Variants in HSPBAP1 observed in about 807,000 individuals in gnomAD.
HSPBAP1 encodes the protein HSPB1 associated protein 1, also known as HSPB1-associated protein 1.
A neutral mutation model predicts 45.2 loss-of-function variants in HSPBAP1; 27 were observed. That is an observed-to-expected ratio of 0.60 (90% CI 0.44 to 0.82). HSPBAP1 has a LOEUF of 0.82. HSPBAP1 is among the 40% of genes least tolerant of loss of function. The pLI, the probability that HSPBAP1 is intolerant of heterozygous loss-of-function variation, is 0.00. For synonymous variants in HSPBAP1, 204 were observed against 202.7 expected, an observed-to-expected ratio of 1.01 and a Z score of -0.06; for missense variants, 510 against 590.9, an observed-to-expected ratio of 0.86 and a Z score of 1.42.
intron 1 of HSPBAP1, among the ~76,000 whole-genome samples, chr3:122,779,527 A>ATTTT (rs1560158984): frequency 1.6e-5 from 1 of 61,156 alleles, no homozygotes; most frequent in Non-Finnish European, 4.6e-5. Context: ...TTTATTTTTT[A>ATTTT]TTGATCATTC....
At chr3:122,741,659 C>A (rs930748365) in intron 6 of HSPBAP1, 1 of 153,148 alleles carries the variant, frequency 6.5e-6, no homozygotes, top group Non-Finnish European at 1.5e-5. Context: ...AAACTAGATG[C>A]CTGTAACATA....
At chr3:122,753,991 G>T in intron 5 of HSPBAP1, 2 of 714,450 alleles carry the variant, frequency 2.8e-6, no homozygotes, top group Non-Finnish European at 3.4e-6. Context: ...ACAAGTGTTG[G>T]GAAAGATAAA....
intron 1 of HSPBAP1, among the ~76,000 whole-genome samples, chr3:122,792,851 C>T (rs577220482): frequency 2.0e-5 from 3 of 147,186 alleles, no homozygotes; most frequent in African/African-American, 7.5e-5. Context: ...AGCCTGGTGA[C>T]AGAGCGAGAC....
At chr3:122,786,706 A>T (rs956497558) in intron 1 of HSPBAP1, among the ~76,000 whole-genome samples, 1 of 152,210 alleles carries the variant, frequency 6.6e-6, no homozygotes, top group African/African-American at 2.4e-5. Flanking sequence ...GTATATATTA[A>T]ATGCCAAAAC....
At chr3:122,746,777 C>G (rs907656919) in intron 6 of HSPBAP1, among the ~76,000 whole-genome samples, 1 of 152,040 alleles carries the variant, frequency 6.6e-6, no homozygotes, top group Non-Finnish European at 1.5e-5. Flanking sequence ...CTCGGCCTGC[C>G]GAGTGCCTGC....
intron 1 of HSPBAP1, among the ~76,000 whole-genome samples, chr3:122,783,744 T>G (rs1209183450): frequency 6.6e-6 from 1 of 151,840 alleles, no homozygotes; most frequent in South Asian, 2.1e-4. Flanking sequence ...TTTAACAAGG[T>G]TTGTTTGTAC....
intron 6 of HSPBAP1, among the ~76,000 whole-genome samples, chr3:122,745,853 T>C (rs1440170901): frequency 6.6e-6 from 1 of 152,186 alleles, no homozygotes; most frequent in Non-Finnish European, 1.5e-5. Flanking sequence ...ATCTTCTATC[T>C]ACAAAACTGT....
chr3:122,781,875 T>G (rs1244852323), intron 1 of HSPBAP1, among the ~76,000 whole-genome samples: 1 of 152,210 alleles, frequency 6.6e-6, no homozygotes, highest in African/African-American at 2.4e-5. Context: ...TCACCATTAG[T>G]GGGCACCTAG....
rs150942314 is a variant in HSPBAP1 at position 122,777,020 on chromosome 3, T to C, written c.250+701A>G. Among the ~76,000 whole-genome samples, 24 of 152,330 alleles carry C rather than the reference T, an allele frequency of 1.6e-4. No homozygotes were observed. The East Asian group carries it at 4.4e-3, about 28-fold the overall frequency. The stretch of plus-strand genomic sequence containing the variant: ...AAGTTAAACATCAGAAAAATGATTA[T>C]AGACTCTCTTAGATTAGAAACTGTA... On this transcript the variant is annotated intron_variant, in intron 2 of 7. Coordinates refer to ENST00000306103, the MANE Select transcript of HSPBAP1 (RefSeq NM_024610.6).
In HSPBAP1 at chr3:122,740,709, C is replaced by A. The variant is rs1212237628; in HGVS notation, c.1103G>T (p.Gly368Val). 1.9e-6 allele frequency: 3 copies of A among 1,613,890 alleles called. No individual in the cohort carries two copies. The highest frequency in any genetic ancestry group is 2.5e-6 in the Non-Finnish European group (3 of 1,180,034). The change falls in exon 8 of 8, where the codon GGC becomes GTC. Residue 368 changes from glycine (G) to valine (V), a missense_variant. Gly to Val is a moderately radical substitution (Grantham distance 109). Transcript: ENST00000306103. The part of the protein sequence containing the change: ...ELNVCNHMEV[G>V]QTGSQNLTTG... ...GGTCAAGTTCTGGCTACCTGTTTGG[C>A]CCACCTCCATGTGGTTGCACACATT...
At chr3:122,785,665 G>C (rs1935629121) in intron 1 of HSPBAP1, among the ~76,000 whole-genome samples, 1 of 152,140 alleles carries the variant, frequency 6.6e-6, no homozygotes, top group East Asian at 1.9e-4. Context: ...CATCTATGGT[G>C]ATGGTCCTGA....
chr3:122,755,505 C>T, intron 4 of HSPBAP1, 74 bp from the exon 5 acceptor site: 1 of 1,115,282 alleles, frequency 9.0e-7, no homozygotes, highest in South Asian at 2.0e-5. Flanking sequence ...AAGACAAAAG[C>T]TAAGTGTTCA....
At chr3:122,773,930 T>C (rs1324084183) in intron 2 of HSPBAP1, among the ~76,000 whole-genome samples, 1 of 152,238 alleles carries the variant, frequency 6.6e-6, no homozygotes, top group Non-Finnish European at 1.5e-5. Context: ...TGAGCTACCA[T>C]GGCCAGCCTG....
At chr3:122,780,765 G>C (rs1198719829) in intron 1 of HSPBAP1, among the ~76,000 whole-genome samples, 1 of 151,560 alleles carries the variant, frequency 6.6e-6, no homozygotes, top group Non-Finnish European at 1.5e-5. Context: ...AGACGGGGCG[G>C]CTGCCGGGCG....
Position 122,793,612 on chromosome 3 carries a change from C to T in HSPBAP1, c.64+5G>A. 2 of 1,613,698 alleles carry T rather than the reference C, an allele frequency of 1.2e-6. No individual in the cohort carries two copies. The highest frequency in any genetic ancestry group is 1.7e-6 in the Non-Finnish European group (2 of 1,179,890). ...CTCAGGGTCGGACCTCAGCCTGGCACCTACCTTCCTCCCCTCCAGCCCCAG... is the reference window on the plus strand; with the variant it reads ...CTCAGGGTCGGACCTCAGCCTGGCATCTACCTTCCTCCCCTCCAGCCCCAG... On this transcript the variant is annotated splice_donor_5th_base_variant and intron_variant, in intron 1 of 7. Transcript: ENST00000306103.
rs1275219308 is a variant in HSPBAP1, at chr3:122,775,296, A to T, written c.250+2425T>A. Among the ~76,000 whole-genome samples the T allele has an allele frequency of 2.0e-5, 3 of 152,188 alleles. No individual in the cohort carries two copies. In the East Asian group the frequency reaches 5.8e-4, roughly 29 times the overall value. ...ATATAAAGAACTCTTATAACTCAAT[A>T]ATAAAAAGACAAAAACAATTAGAAA... On this transcript the variant is annotated intron_variant, in intron 2 of 7. Transcript: ENST00000306103.
At chr3:122,763,835 A>G (rs1251453843) in intron 3 of HSPBAP1, among the ~76,000 whole-genome samples, 1 of 152,260 alleles carries the variant, frequency 6.6e-6, no homozygotes, top group Non-Finnish European at 1.5e-5. Context: ...TTAAAATTAT[A>G]TAAGGATAGC....
intron 1 of HSPBAP1, among the ~76,000 whole-genome samples, chr3:122,780,085 C>A (rs1309397271): frequency 6.7e-6 from 1 of 150,348 alleles, no homozygotes; most frequent in African/African-American, 2.4e-5. Context: ...TAGGGGCGGC[C>A]GGGCAGAGGC....
At chr3:122,793,579 G>C (rs1234500948) in intron 1 of HSPBAP1, 38 bp downstream of exon 1, 7 of 1,598,866 alleles carry the variant, frequency 4.4e-6, no homozygotes, top group Non-Finnish European at 3.4e-6. Context: ...ACTGGCATTG[G>C]GTTTGTACTC....
Sources: allele counts gnomAD v4.1 joint callset (sites outside exome capture counted in the v4.1 genomes callset), GRCh38; gene constraint gnomAD v4.1.1; transcripts MANE v1.5; gene names NCBI Gene and HGNC (gene_info 2026-07-23, HGNC 2026-07-21).